MYH10: variants seen among roughly 807,000 people sequenced by gnomAD.
MYH10 encodes myosin heavy chain 10.
A neutral mutation model predicts 257.8 loss-of-function variants in MYH10; 55 were observed. The ratio of observed to expected loss-of-function variants is 0.21; its 90% CI spans 0.17 to 0.27. MYH10 has a LOEUF of 0.27. Among genes scored for constraint, MYH10 ranks in the 10% least tolerant of loss-of-function variants. MYH10 has a pLI of 1.00. For missense variants in MYH10, 1,631 were observed against 2,500.6 expected, an observed-to-expected ratio of 0.65 and a Z score of 7.42; for synonymous variants, 854 against 921.7, an observed-to-expected ratio of 0.93 and a Z score of 1.33.
Position 8,504,926 on chromosome 17 carries a change from C to T in MYH10, c.3387-20G>A. ...TCACCTCTGTTAAAACACCCAGGCGCAAGAGGCACTCAGAGATGGCACCCG... is the reference window on the plus strand; with the variant it reads ...TCACCTCTGTTAAAACACCCAGGCGTAAGAGGCACTCAGAGATGGCACCCG... On this transcript the variant is annotated intron_variant, in intron 27 of 42. Coordinates refer to ENST00000360416, the MANE Select transcript of MYH10 (RefSeq NM_001256012.3). The surrounding 1 kb of genome is among the most constrained non-coding windows in gnomAD (Gnocchi z 5.6). 1 of 1,608,798 alleles carries T rather than the reference C, an allele frequency of 6.2e-7. No individual in the cohort carries two copies. The highest frequency in any genetic ancestry group is 1.7e-4 in the Middle Eastern group (1 of 6,050).
At chr17:8,627,311 A>C (rs746043754) in intron 1 of MYH10, among the ~76,000 whole-genome samples, 5 of 152,150 alleles carry the variant, frequency 3.3e-5, no homozygotes, top group Non-Finnish European at 5.9e-5. Flanking sequence ...GGGGATCTGT[A>C]CCTATTGATC....
At position 8,504,468 on chromosome 17, in the gene MYH10, C is replaced by T. The variant is rs140117095; in HGVS notation, c.3599+226G>A. Among the ~76,000 whole-genome samples the T allele has an allele frequency of 6.6e-6, 1 of 152,196 alleles. No individual in the cohort carries two copies. The highest frequency in any genetic ancestry group is 6.5e-5 in the Admixed American group (1 of 15,278). ...ACAGCTTTTCCGATCACATCCATCT[C>T]CCTCTGTGTCCCTCAGTCTGCTGGT... On this transcript the variant is annotated intron_variant, in intron 28 of 42. Transcript: ENST00000360416. The surrounding 1 kb of genome is among the most constrained non-coding windows in gnomAD (Gnocchi z 5.6).
At chr17:8,539,955 T>C (rs2082247258) in intron 14 of MYH10, among the ~76,000 whole-genome samples, 1 of 152,158 alleles carries the variant, frequency 6.6e-6, no homozygotes, top group Non-Finnish European at 1.5e-5. Flanking sequence ...GGAAAATAAT[T>C]AAAAATGTAA....
At chr17:8,562,728 C>A (rs753108046) in intron 7 of MYH10, among the ~76,000 whole-genome samples, 38 of 152,162 alleles carry the variant, frequency 2.5e-4, no homozygotes, top group Non-Finnish European at 5.0e-4. Context: ...TGAAATTACA[C>A]GTGTACTGTG....
intron 6 of MYH10, among the ~76,000 whole-genome samples, chr17:8,572,747 T>C (rs1168799955): frequency 2.6e-5 from 4 of 152,156 alleles, no homozygotes; most frequent in South Asian, 2.1e-4. Flanking sequence ...ACATTGATAG[T>C]GTCATGGTAT....
intron 3 of MYH10, among the ~76,000 whole-genome samples, chr17:8,590,980 C>A (rs1170271364): frequency 6.7e-6 from 1 of 150,104 alleles, no homozygotes; most frequent in African/African-American, 2.4e-5. Context: ...TCACGCCATT[C>A]TCCTGCCTCA....
chr17:8,487,612 G>GT lies in MYH10; in HGVS notation c.4885-19dup. The GT allele has an allele frequency of 6.2e-7, 1 of 1,613,828 alleles. No homozygotes were observed. The highest frequency in any genetic ancestry group is 1.7e-4 in the Middle Eastern group (1 of 6,056). On this transcript the variant is annotated intron_variant, in intron 35 of 42. Transcript: ENST00000360416. ...TCCCGCACCTAATGGACAACATCGGGTTATGCTGGGTTACATCCAAGTATC... is the reference window on the plus strand; with the variant it reads ...TCCCGCACCTAATGGACAACATCGGGTTTATGCTGGGTTACATCCAAGTATC...
rs756080977 is a variant in MYH10 at position 8,504,036 on chromosome 17, G to A, written c.3599+658C>T. ...CGCAGGCCAGCACCTCCAGGCCTGC[G>A]TACCGGCTCACTGCTAAGGCTCTCC... On this transcript the variant is annotated intron_variant, in intron 28 of 42. Transcript: ENST00000360416. The surrounding 1 kb of genome is among the most constrained non-coding windows in gnomAD (Gnocchi z 5.6). Among the ~76,000 whole-genome samples, 6 of 152,146 alleles carry A rather than the reference G, an allele frequency of 3.9e-5. No homozygotes were observed. The highest frequency in any genetic ancestry group is 7.2e-5 in the African/African-American group (3 of 41,432).
At chr17:8,543,768 G>A (rs540539567) in intron 13 of MYH10, among the ~76,000 whole-genome samples, 2 of 152,220 alleles carry the variant, frequency 1.3e-5, no homozygotes, top group South Asian at 4.2e-4. Context: ...CACCACGCCC[G>A]GCCAAGAATG....
chr17:8,486,769 C>T (rs1312169343), intron 36 of MYH10, among the ~76,000 whole-genome samples: 1 of 152,198 alleles, frequency 6.6e-6, no homozygotes, highest in Admixed American at 6.5e-5. Flanking sequence ...ATTCCCCACA[C>T]ACCCCATCAC....
chr17:8,485,814 A>T (rs900535818), intron 36 of MYH10, among the ~76,000 whole-genome samples: 1 of 152,222 alleles, frequency 6.6e-6, no homozygotes, highest in Non-Finnish European at 1.5e-5. Flanking sequence ...ACCCAGCTCA[A>T]TTCCACTCCT....
At chr17:8,592,570 A>G (rs2084188188) in intron 3 of MYH10, among the ~76,000 whole-genome samples, 1 of 151,936 alleles carries the variant, frequency 6.6e-6, no homozygotes. Context: ...AAATTATTTA[A>G]AAGACACAAC....
At chr17:8,534,189 C>T (rs975972818) in intron 16 of MYH10, among the ~76,000 whole-genome samples, 3 of 152,210 alleles carry the variant, frequency 2.0e-5, no homozygotes, top group African/African-American at 7.2e-5. Flanking sequence ...CAGCATCCCT[C>T]GACTGACTAG....
chr17:8,585,062 C>T (rs1047074248), intron 4 of MYH10, among the ~76,000 whole-genome samples: 2 of 151,662 alleles, frequency 1.3e-5, no homozygotes, highest in African/African-American at 2.4e-5. Context: ...AGGCTGGTTG[C>T]GAACTCCCAG....
At chr17:8,625,402 G>A (rs952462174) in intron 1 of MYH10, among the ~76,000 whole-genome samples, 1 of 152,212 alleles carries the variant, frequency 6.6e-6, no homozygotes, top group African/African-American at 2.4e-5. Flanking sequence ...GCAGCACCTA[G>A]AGGGTTTATT....
intron 2 of MYH10, among the ~76,000 whole-genome samples, chr17:8,616,409 C>T (rs2085263956): frequency 6.6e-6 from 1 of 151,960 alleles, no homozygotes; most frequent in Admixed American, 6.6e-5. Flanking sequence ...ACTTAGGTCA[C>T]TGAAGATAAA....
chr17:8,560,125 T>C (rs1398726066), intron 7 of MYH10, among the ~76,000 whole-genome samples: 1 of 152,242 alleles, frequency 6.6e-6, no homozygotes, highest in Non-Finnish European at 1.5e-5. Context: ...CCAACATGTA[T>C]GTTTAACTTC....
intron 41 of MYH10, 115 bp downstream of exon 41, chr17:8,478,223 G>A: frequency 2.2e-6 from 2 of 894,442 alleles, no homozygotes; most frequent in Non-Finnish European, 3.5e-6. Flanking sequence ...GCCCACGTTA[G>A]CTGAAACATC....
At chr17:8,502,985 G>A (rs1196829548) in intron 28 of MYH10, among the ~76,000 whole-genome samples, 3 of 152,230 alleles carry the variant, frequency 2.0e-5, no homozygotes, top group Non-Finnish European at 4.4e-5. Context: ...CAGTTACTCT[G>A]CTGAAGTGGG....
Sources: gnomAD v4.1 joint callset for allele counts (sites outside exome capture counted in the v4.1 genomes callset) on GRCh38, gnomAD v4.1.1 for gene constraint, Gnocchi (gnomAD v3.1) non-coding constraint, MANE v1.5 for transcripts, NCBI Gene and HGNC (gene_info 2026-07-23, HGNC 2026-07-21) for gene names.